POLR2F: variants seen among roughly 807,000 people sequenced by gnomAD.
POLR2F encodes DNA-directed RNA polymerases I, II, and III subunit RPABC2.
POLR2F carries 12 observed loss-of-function variants against 22.7 expected under a neutral mutation model. The ratio of observed to expected loss-of-function variants is 0.53; its 90% CI spans 0.34 to 0.86. The LOEUF is 0.86. Among genes scored for constraint, POLR2F ranks in the 40% least tolerant of loss-of-function variants. POLR2F has a pLI of 0.02. For synonymous variants in POLR2F, 57 were observed against 66.0 expected (o/e 0.86, Z 0.66); for missense variants, 126 against 171.5 (o/e 0.73, Z 1.48).
downstream of POLR2F, chr22:37,970,681 G>A (rs1224838122): frequency 6.5e-6 from 1 of 154,146 alleles, no homozygotes; most frequent in Non-Finnish European, 1.4e-5. Context: ...GCTGTACACA[G>A]GTGTCCCTCT....
intron 5 of POLR2F, among the ~76,000 whole-genome samples, chr22:38,037,706 C>T (rs1479463966): frequency 6.6e-6 from 1 of 152,088 alleles, no homozygotes; most frequent in Non-Finnish European, 1.5e-5. Flanking sequence ...GATTCTCCAG[C>T]CTCAGCCTCC....
In POLR2F at chr22:37,953,749, G is replaced by A; in HGVS notation, c.-39G>A. Reference sequence around the variant, plus strand: ...TGTCGCTGTTTGCGGGTCTCCGCGCGGGACCGGGGCGCAGCGGGGTCGCTG... The same window carrying A: ...TGTCGCTGTTTGCGGGTCTCCGCGCAGGACCGGGGCGCAGCGGGGTCGCTG... On this transcript the variant is annotated 5_prime_UTR_variant, in exon 1 of 5. Transcript: ENST00000442738. 6.2e-7 allele frequency: 1 copy of A among 1,600,826 alleles called. No homozygotes were observed. Among genetic ancestry groups the A allele is most frequent in the Non-Finnish European group, 8.5e-7 (1 of 1,176,626 alleles).
At chr22:38,025,894 T>C (rs758027383) in exon 2 of POLR2F, 17 of 810,862 alleles carry the variant, frequency 2.1e-5, no homozygotes, top group Non-Finnish European at 3.5e-5. Flanking sequence ...TTCTCCCTCC[T>C]GTCTTCTACA....
chr22:38,020,141 G>A (rs753522187), intron 1 of POLR2F, among the ~76,000 whole-genome samples: 2 of 151,698 alleles, frequency 1.3e-5, no homozygotes, highest in Non-Finnish European at 2.9e-5. Context: ...TTGAGTCCAG[G>A]AGTTCGAGAT....
chr22:37,959,036 C>T (rs1313703786), intron 2 of POLR2F, among the ~76,000 whole-genome samples: 2 of 152,116 alleles, frequency 1.3e-5, no homozygotes, highest in African/African-American at 4.8e-5. Context: ...TGATACCACC[C>T]CATCTCCAGG....
chr22:38,006,808 C>T (rs569383148), intron 1 of POLR2F, among the ~76,000 whole-genome samples: 3 of 152,284 alleles, frequency 2.0e-5, no homozygotes, highest in Middle Eastern at 3.4e-3. Flanking sequence ...CTGTCGTCTC[C>T]GAGCTCCAGC....
At chr22:38,028,839 T>G (rs1281481330), downstream of POLR2F, among the ~76,000 whole-genome samples, 2 of 152,154 alleles carry the variant, frequency 1.3e-5, no homozygotes, top group Non-Finnish European at 2.9e-5. Context: ...ACCCGCACTG[T>G]GATAGGCAGG....
At chr22:38,034,017 G>A (rs2085091379) in intron 5 of POLR2F, 1 of 165,636 alleles carries the variant, frequency 6.0e-6, no homozygotes, top group Non-Finnish European at 1.5e-5. Context: ...GGGGTCAAGT[G>A]GCTGGGGCCG....
chr22:37,953,934 G>T (rs377119587), intron 1 of POLR2F, 127 bp downstream of exon 1: 1 of 1,177,864 alleles, frequency 8.5e-7, no homozygotes, highest in Non-Finnish European at 1.2e-6. Context: ...TGAGGGGGCC[G>T]GCGGAGCCGA....
downstream of POLR2F, chr22:37,970,962 C>A: frequency 3.7e-6 from 1 of 269,554 alleles, no homozygotes; most frequent in Non-Finnish European, 7.4e-6. Context: ...CGGGAACCAG[C>A]AGTTTTGGGG....
chr22:37,968,326 C>CCCCCATGGCTCTGT lies in POLR2F; in HGVS notation c.*617_*630dup. ...AGGACCGAGCACCTGCCTACCCCTG[C>CCCCCATGGCTCTGT]CCCCATGGCTCTGTCCCCACTCCTC... On this transcript the variant is annotated 3_prime_UTR_variant, in exon 5 of 5. Transcript: ENST00000442738. 1 of 985,934 alleles carries CCCCCATGGCTCTGT rather than the reference C, an allele frequency of 1.0e-6. No homozygotes were observed. The highest frequency in any genetic ancestry group is 1.2e-6 in the Non-Finnish European group (1 of 830,208). The allele number at this position is 985,934 out of a possible 1,614,324, so 61.1% of individuals were successfully genotyped here. A position where few individuals can be genotyped will look rare whatever the true frequency, so the allele number is the denominator to read the frequency against.
upstream of POLR2F, chr22:37,985,997 C>A: frequency 8.0e-7 from 1 of 1,255,592 alleles, no homozygotes; most frequent in Non-Finnish European, 1.0e-6. Flanking sequence ...TCGACGCCAC[C>A]CCCGGCGCTG....
chr22:38,023,268 A>G (rs919804678), intron 1 of POLR2F, among the ~76,000 whole-genome samples: 6 of 152,096 alleles, frequency 3.9e-5, no homozygotes, highest in Non-Finnish European at 8.8e-5. Context: ...CATCTCACCT[A>G]CACGTGGCGC....
intron 1 of POLR2F, among the ~76,000 whole-genome samples, chr22:37,954,588 A>G (rs1931288615): frequency 6.6e-6 from 1 of 152,200 alleles, no homozygotes; most frequent in African/African-American, 2.4e-5. Flanking sequence ...GGCGTGAGCC[A>G]CCGTGCCCGG....
intron 1 of POLR2F, among the ~76,000 whole-genome samples, chr22:38,019,876 T>C (rs1055258235): frequency 6.6e-6 from 1 of 151,970 alleles, no homozygotes; most frequent in African/African-American, 2.4e-5. Flanking sequence ...TAGTGGGGCT[T>C]GGTGGCGCAT....
intron 1 of POLR2F, among the ~76,000 whole-genome samples, chr22:37,989,545 G>T (rs989921945): frequency 6.6e-6 from 1 of 152,192 alleles, no homozygotes; most frequent in African/African-American, 2.4e-5. Context: ...CCCCTTAACA[G>T]CGAAGGCGAC....
At chr22:37,967,495 T>C in intron 4 of POLR2F, 130 bp from the exon 5 acceptor site, 1 of 1,477,954 alleles carries the variant, frequency 6.8e-7, no homozygotes, top group Non-Finnish European at 8.9e-7. Flanking sequence ...TCTTACAAAG[T>C]ACACTCATCA....
At chr22:38,019,108 C>T (rs1325322142) in intron 1 of POLR2F, among the ~76,000 whole-genome samples, 1 of 151,606 alleles carries the variant, frequency 6.6e-6, no homozygotes, top group Non-Finnish European at 1.5e-5. Flanking sequence ...TTTCCCTGTG[C>T]ACGTGGCTGT....
At chr22:37,971,389 A>G (rs1932047035), downstream of POLR2F, 2 of 452,162 alleles carry the variant, frequency 4.4e-6, no homozygotes, top group South Asian at 3.2e-5. Flanking sequence ...TGGCAGCTGG[A>G]TATAAGCTGT....
Sources: allele counts gnomAD v4.1 joint callset (sites outside exome capture counted in the v4.1 genomes callset), GRCh38; gene constraint gnomAD v4.1.1; transcripts MANE v1.5; gene names NCBI Gene and HGNC (gene_info 2026-07-23, HGNC 2026-07-21).